LBR: variants seen among roughly 807,000 people sequenced by gnomAD.
LBR encodes the protein lamin B receptor.
Under a neutral mutation model 74.3 loss-of-function variants are expected in LBR, and 28 were observed. The observed-to-expected ratio is 0.38, with a 90% CI of 0.28 to 0.52. LBR has a LOEUF of 0.52. Ranked by LOEUF, LBR falls within the 20% of genes least tolerant of loss-of-function variation. LBR has a pLI of 0.89. For missense variants in LBR, 717 were observed against 760.3 expected (o/e 0.94, Z 0.67); for synonymous variants, 228 against 269.3 (o/e 0.85, Z 1.50).
At chr1:225,416,264 T>G (rs1335936867) in intron 6 of LBR, among the ~76,000 whole-genome samples, 1 of 150,364 alleles carries the variant, frequency 6.7e-6, no homozygotes, top group Non-Finnish European at 1.5e-5. Context: ...CAGAACCATC[T>G]CCTCTCTTCA....
intron 2 of LBR, among the ~76,000 whole-genome samples, chr1:225,422,866 TACAA>T (rs1415454633): frequency 6.6e-6 from 1 of 152,194 alleles, no homozygotes; most frequent in Admixed American, 6.5e-5. Context: ...CTTAAATGAT[TACAA>T]ACAAAATCAA....
At position 225,423,974 on chromosome 1, in the gene LBR, G is replaced by A; in HGVS notation, c.102C>T (p.Ser34=). The change falls in exon 2 of 14, where the codon TCC becomes TCT. Residue 34 remains serine, a synonymous_variant. Coordinates refer to ENST00000272163, the MANE Select transcript of LBR (RefSeq NM_002296.4). ...EVEILSHDST[S]QLYTVKYKDG... ...CTTTATACTTCACAGTGTAAAGCTG[G>A]GAGGTGCTGTCGTGGCTCAGAATTT... is the stretch of plus-strand genomic sequence containing the variant. 1.2e-6 allele frequency: 2 copies of A among 1,613,862 alleles called. No homozygotes were observed. The highest frequency in any genetic ancestry group is 1.7e-6 in the Non-Finnish European group (2 of 1,179,772).
intron 10 of LBR, among the ~76,000 whole-genome samples, chr1:225,410,016 C>T (rs1381522645): frequency 6.6e-6 from 1 of 152,184 alleles, no homozygotes; most frequent in African/African-American, 2.4e-5. Context: ...CCCACAAAAA[C>T]AAAACCAAGA....
At chr1:225,428,078 G>A (rs893868790), upstream of LBR, 2 of 152,042 alleles carry the variant, frequency 1.3e-5, no homozygotes. Flanking sequence ...CCGCAAGCCG[G>A]GCGCGCGCCT....
rs551789895 is a variant in LBR, at chr1:225,404,589, T to C, written c.1564+37A>G. 33 of 1,561,708 alleles carry C rather than the reference T, an allele frequency of 2.1e-5. 1 individual carries two copies. In the South Asian group the frequency reaches 3.8e-4, roughly 18 times the overall value. On this transcript the variant is annotated intron_variant, in intron 12 of 13. Transcript: ENST00000272163. ...GACAAAAAGAAAAATAAAACCTTCA[T>C]GTAATATATATAATATAAACATAAA...
At position 225,411,456 on chromosome 1, in the gene LBR, T is replaced by C. The variant is rs775143352; in HGVS notation, c.1085-16A>G. On this transcript the variant is annotated splice_polypyrimidine_tract_variant and intron_variant, in intron 8 of 13. Transcript: ENST00000272163. ...ACAGCATTTCCTGAGAAAGGAAAAG[T>C]GTTTACCCAAACAGCATTCCAAACC... 18 of 1,587,910 alleles carry C rather than the reference T, an allele frequency of 1.1e-5. No individual in the cohort carries two copies. In the South Asian group the frequency reaches 1.7e-4, roughly 15 times the overall value.
intron 2 of LBR, 52 bp from the exon 3 acceptor site, chr1:225,422,329 A>G (rs1447654236): frequency 2.1e-6 from 3 of 1,408,842 alleles, no homozygotes; most frequent in Non-Finnish European, 2.0e-6. Flanking sequence ...TAACACATAC[A>G]GACAGACCCA....
intron 5 of LBR, 40 bp from the exon 6 acceptor site, chr1:225,418,220 T>C (rs780271267): frequency 3.8e-5 from 60 of 1,570,132 alleles, no homozygotes; most frequent in Non-Finnish European, 5.1e-5. Context: ...CAAATTTCAA[T>C]CTGGTTTATT....
intron 3 of LBR, 90 bp from the exon 4 acceptor site, chr1:225,419,888 G>T: frequency 1.1e-6 from 1 of 939,608 alleles, no homozygotes. Context: ...TTGGAATCAA[G>T]CAATAAAACA....
chr1:225,426,247 G>A (rs1575233702), intron 1 of LBR, among the ~76,000 whole-genome samples: 1 of 152,144 alleles, frequency 6.6e-6, no homozygotes, highest in South Asian at 2.1e-4. Flanking sequence ...CAAACGTGAG[G>A]ATACAGTGCA....
chr1:225,403,219 A>G lies in LBR; in HGVS notation c.*84T>C, dbSNP rs1434767004. The G allele has an allele frequency of 5.8e-6, 8 of 1,380,786 alleles. No individual in the cohort carries two copies. The East Asian group carries it at 6.9e-5, about 12-fold the overall frequency. The allele number at this position is 1,380,786 out of a possible 1,614,324, so 85.5% of individuals were successfully genotyped here. A position where few individuals can be genotyped will look rare whatever the true frequency, so the allele number is the denominator to read the frequency against. On this transcript the variant is annotated 3_prime_UTR_variant, in exon 14 of 14. Transcript: ENST00000272163. ...AAGTACAGACCCTGTCAGTGCAACA[A>G]AAGAAAGTTTCGGATTTTTTTCCTT... is the stretch of plus-strand genomic sequence containing the variant.
intron 5 of LBR, 21 bp downstream of exon 5, chr1:225,419,242 G>C (rs2096123040): frequency 1.2e-6 from 2 of 1,612,994 alleles, no homozygotes; most frequent in Non-Finnish European, 8.5e-7. Flanking sequence ...TGCCCTCTCT[G>C]GGCCCAGCTC....
chr1:225,426,193 CATG>C (rs1488345426), intron 1 of LBR, among the ~76,000 whole-genome samples: 1 of 152,182 alleles, frequency 6.6e-6, no homozygotes, highest in Non-Finnish European at 1.5e-5. Context: ...AAGCCAACAA[CATG>C]ATGTGCACCC....
At chr1:225,418,358 T>C (rs576405452) in intron 5 of LBR, among the ~76,000 whole-genome samples, 178 bp from the exon 6 acceptor site, 1 of 150,866 alleles carries the variant, frequency 6.6e-6, no homozygotes, top group East Asian at 1.9e-4. Flanking sequence ...CTGGCAACCA[T>C]GGGCATCAAA....
chr1:225,424,597 T>C (rs1575232569), intron 1 of LBR, among the ~76,000 whole-genome samples: 1 of 152,180 alleles, frequency 6.6e-6, no homozygotes, highest in East Asian at 1.9e-4. Flanking sequence ...AATGAATAAA[T>C]TTGGGGGTTA....
intron 10 of LBR, among the ~76,000 whole-genome samples, chr1:225,407,698 C>T (rs2096095239): frequency 6.6e-6 from 1 of 152,068 alleles, no homozygotes; most frequent in African/African-American, 2.4e-5. Context: ...AAATATTAGC[C>T]AGTATAAGCT....
intron 8 of LBR, 53 bp from the exon 9 acceptor site, chr1:225,411,493 CT>C: frequency 7.5e-7 from 1 of 1,330,954 alleles, no homozygotes; most frequent in Non-Finnish European, 1.1e-6. Context: ...AGTCAGGAGG[CT>C]TTACAACGGC....
intron 3 of LBR, 82 bp from the exon 4 acceptor site, chr1:225,419,880 G>C: frequency 1.0e-6 from 1 of 997,426 alleles, no homozygotes; most frequent in Non-Finnish European, 1.6e-6. Flanking sequence ...TTACTGTTTT[G>C]GAATCAAGCA....
At chr1:225,425,339 T>G (rs369610157) in intron 1 of LBR, among the ~76,000 whole-genome samples, 3 of 152,318 alleles carry the variant, frequency 2.0e-5, no homozygotes, top group South Asian at 4.1e-4. Flanking sequence ...GCTAGGTTGG[T>G]AGATGAAAGA....
Sources: allele counts gnomAD v4.1 joint callset (sites outside exome capture counted in the v4.1 genomes callset), GRCh38; gene constraint gnomAD v4.1.1; transcripts MANE v1.5; gene names NCBI Gene and HGNC (gene_info 2026-07-23, HGNC 2026-07-21).